The following MATK variants were observed in gnomAD, a reference collection of about 807,000 sequenced individuals.
MATK encodes the protein megakaryocyte-associated tyrosine kinase.
In MATK, 41 loss-of-function variants were observed where a neutral mutation model predicts 59.8. The observed-to-expected ratio is 0.69, with a 90% CI of 0.53 to 0.89. MATK has a LOEUF of 0.89. Among genes scored for constraint, MATK ranks in the 40% least tolerant of loss-of-function variants. MATK has a pLI of 0.00. For missense variants in MATK, 593 were observed against 719.6 expected (o/e 0.82, Z 2.01); for synonymous variants, 308 against 306.1 (o/e 1.01, Z -0.06).
upstream of MATK, among the ~76,000 whole-genome samples, chr19:3,790,776 A>AC (rs2037533347): frequency 6.6e-6 from 1 of 152,144 alleles, no homozygotes; most frequent in African/African-American, 2.4e-5. Flanking sequence ...CCATTTGGGG[A>AC]AAGCCTTCCT....
intron 8 of MATK, among the ~76,000 whole-genome samples, chr19:3,780,006 C>T (rs1205478378): frequency 6.6e-6 from 1 of 152,196 alleles, no homozygotes; most frequent in Non-Finnish European, 1.5e-5. Flanking sequence ...CTGGCTCTGG[C>T]GCGGTGGCTC....
rs1260696062 is a variant in MATK at position 3,779,414 on chromosome 19, G to A, written c.965C>T (p.Ala322Val). 1 of 1,613,266 alleles carries A rather than the reference G, an allele frequency of 6.2e-7. No homozygotes were observed. The highest frequency in any genetic ancestry group is 8.5e-7 in the Non-Finnish European group (1 of 1,180,006). ...LVNFLRTRGR[A>V]LVNTAQLLQF... ...CAGGAGCTGAGCGGTGTTCACGAGG[G>A]CTCGACCCCGGGTCCGCAGAAAGTT... The change falls in exon 11 of 14, where the codon GCC becomes GTC. Residue 322 changes from alanine (A) to valine (V), a missense_variant. Transcript: ENST00000310132.
chr19:3,784,818 C>T lies in MATK; in HGVS notation c.132+7G>A, dbSNP rs1218422199. The T allele has an allele frequency of 6.5e-5, 101 of 1,550,630 alleles. No homozygotes were observed. The highest frequency in any genetic ancestry group is 8.6e-5 in the Non-Finnish European group (98 of 1,145,792). ...GGGAGCAGAGGAAGCAGGCTAGACA[C>T]ACTCACCGTTGGCATCCTGGCTGAG... is the stretch of plus-strand genomic sequence containing the variant. On this transcript the variant is annotated splice_region_variant and intron_variant, in intron 3 of 13. Transcript: ENST00000310132.
Position 3,785,095 on chromosome 19 carries a change from T to C in MATK, c.41A>G (p.His14Arg), listed in dbSNP as rs2037462175. 1 of 1,613,630 alleles carries C rather than the reference T, an allele frequency of 6.2e-7. No individual in the cohort carries two copies. Among genetic ancestry groups the C allele is most frequent in the Admixed American group, 1.7e-5 (1 of 59,964 alleles). Residue 14 changes from histidine to arginine, a missense_variant, in exon 2 of 14, where the codon CAC becomes CGC. By Grantham distance (29) the His-to-Arg change is conservative. Coordinates refer to ENST00000310132, the MANE Select transcript of MATK (RefSeq NM_139355.3). ...AAGTTCCTCAGCAGAATCACAGCCG[T>C]GAAATGCCCGCCAGGAAACCAGAGA... ...RGSLVSWRAF[H>R]GCDSAEELPR...
At chr19:3,781,704 T>C in intron 7 of MATK, 32 bp from the exon 8 acceptor site, 1 of 1,580,066 alleles carries the variant, frequency 6.3e-7, no homozygotes, top group Non-Finnish European at 8.7e-7. Flanking sequence ...AGAGGGGTAA[T>C]GGGCCCCCTA....
upstream of MATK, among the ~76,000 whole-genome samples, chr19:3,791,120 T>A (rs1386773227): frequency 6.6e-6 from 1 of 152,142 alleles, no homozygotes; most frequent in Admixed American, 6.6e-5. Flanking sequence ...TCAAAGGGAT[T>A]CTTAATACTC....
At chr19:3,793,384 G>A (rs2037561497) in intron 1 of MATK, 1 of 151,972 alleles carries the variant, frequency 6.6e-6, no homozygotes, top group Non-Finnish European at 1.5e-5. Context: ...TGACCAACAT[G>A]GTGAAATCCC....
At chr19:3,784,596 C>T (rs1003476646) in intron 3 of MATK, 145 bp from the exon 4 acceptor site, 5 of 656,630 alleles carry the variant, frequency 7.6e-6, no homozygotes, top group East Asian at 2.7e-5. Context: ...ACGCAGACAT[C>T]GGGGGAAAGA....
chr19:3,778,523 G>C lies in MATK; in HGVS notation c.1270C>G (p.Pro424Ala). ...LWEVFSYGRA[P>A]YPKMSLKEVS... ...CCCCCGCTCACCATTTTAGGGTACG[G>C]AGCCCGTCCATATGAGAAGACCTCC... Residue 424 changes from proline to alanine, a missense_variant, in exon 13 of 14, where the codon CCG (proline) becomes GCG (alanine). Coordinates refer to ENST00000310132, the MANE Select transcript of MATK (RefSeq NM_139355.3). 6.2e-7 allele frequency: 1 copy of C among 1,613,898 alleles called. No homozygotes were observed. The highest frequency in any genetic ancestry group is 8.5e-7 in the Non-Finnish European group (1 of 1,179,968).
chr19:3,801,480 GGATTGGGTTCCAGCCCTGCCC>G (rs1191221392), intron 1 of MATK: 2 of 152,428 alleles, frequency 1.3e-5, no homozygotes, highest in East Asian at 3.9e-4. Flanking sequence ...CCCGCCTGCC[GGATTGGGTTCCAGCCCTGCCC>G]ACACGCCCGG....
upstream of MATK, among the ~76,000 whole-genome samples, chr19:3,786,892 A>T (rs1198687936): frequency 3.3e-5 from 5 of 152,182 alleles, no homozygotes; most frequent in Admixed American, 3.3e-4. The surrounding 1 kb of genome is among the most constrained non-coding windows in gnomAD (Gnocchi z 4.1). Context: ...CTTGGAGGGT[A>T]AAAGGGGGGC....
intron 6 of MATK, 168 bp from the exon 7 acceptor site, chr19:3,783,387 T>C: frequency 1.6e-6 from 1 of 637,752 alleles, no homozygotes; most frequent in Non-Finnish European, 2.8e-6. Context: ...GGGGGAGTCC[T>C]CTGGATTGGT....
chr19:3,790,051 G>GCA (rs2037526292), upstream of MATK, among the ~76,000 whole-genome samples: 1 of 152,058 alleles, frequency 6.6e-6, no homozygotes, highest in African/African-American at 2.4e-5. Context: ...ACAGGTGCCC[G>GCA]CCACCATGCC....
At chr19:3,782,931 T>TG (rs1224642366) in intron 7 of MATK, 195 bp downstream of exon 7, 1 of 578,320 alleles carries the variant, frequency 1.7e-6, no homozygotes, top group East Asian at 3.0e-5. Context: ...GTGGCGAAGC[T>TG]GGGGACCTAT....
At chr19:3,793,306 C>G (rs2037560541) in intron 1 of MATK, 1 of 152,258 alleles carries the variant, frequency 6.6e-6, no homozygotes, top group Admixed American at 6.5e-5. Context: ...TGGCTCACGC[C>G]TGTAATCCCA....
chr19:3,784,218 T>G lies in MATK; in HGVS notation c.268A>C (p.Lys90Gln). ...ACENKSWYRV[K>Q]HHTSGQEGLL... ...CCCTCCTGTCCACTGGTGTGGTGCT[T>G]GACGCGGTACCAGCTCTTGTTCTGC... Residue 90 changes from lysine to glutamine, a missense_variant, in exon 5 of 14, where the codon AAG becomes CAG. Physicochemically the swap from Lys to Gln is moderately conservative, Grantham distance 53 (BLOSUM62 1). Coordinates refer to ENST00000310132, the MANE Select transcript of MATK (RefSeq NM_139355.3). 1 of 1,613,338 alleles carries G rather than the reference T, an allele frequency of 6.2e-7. No homozygotes were observed. Among genetic ancestry groups the G allele is most frequent in the Non-Finnish European group, 8.5e-7 (1 of 1,179,614 alleles).
In MATK at chr19:3,786,358, G is replaced by A. The variant is rs1202461253; in HGVS notation, c.-341C>T. On this transcript the variant is annotated 5_prime_UTR_variant, in exon 1 of 14. Transcript: ENST00000310132. This position sits in a 1 kb window ranked among gnomAD's most constrained non-coding sequence, Gnocchi z 4.1. ...AGGCGCCGCGGCCTGGGAGGCCCCCGCGGGTCCTAGCGCCGGCCGCACTGC... is the reference window on the plus strand; with the variant it reads ...AGGCGCCGCGGCCTGGGAGGCCCCCACGGGTCCTAGCGCCGGCCGCACTGC... 2.0e-6 allele frequency: 2 copies of A among 983,108 alleles called. No homozygotes were observed. The highest frequency in any genetic ancestry group is 2.4e-6 in the Non-Finnish European group (2 of 829,002). The allele number at this position is 983,108 out of a possible 1,614,324, so 60.9% of individuals were successfully genotyped here. A position where few individuals can be genotyped will look rare whatever the true frequency, so the allele number is the denominator to read the frequency against.
chr19:3,785,352 G>A (rs2037467020), intron 1 of MATK, 66 bp from the exon 2 acceptor site: 6 of 1,135,704 alleles, frequency 5.3e-6, no homozygotes, highest in East Asian at 5.3e-5. Flanking sequence ...AAGAATCTCT[G>A]ACCGTGGGGT....
upstream of MATK, chr19:3,789,509 C>A: frequency 1.9e-6 from 1 of 540,282 alleles, no homozygotes; most frequent in South Asian, 2.4e-5. Flanking sequence ...GGTCTTGAGC[C>A]CAGAGAAGGG....
Sources: allele counts gnomAD v4.1 joint callset (sites outside exome capture counted in the v4.1 genomes callset), GRCh38; gene constraint gnomAD v4.1.1; non-coding constraint Gnocchi (gnomAD v3.1); transcripts MANE v1.5; gene names NCBI Gene and HGNC (gene_info 2026-07-23, HGNC 2026-07-21).